Variants in ZNF821 observed in about 807,000 individuals in gnomAD.
The protein encoded by ZNF821 is zinc finger protein 821.
ZNF821 carries 16 observed loss-of-function variants against 44.3 expected under a neutral mutation model. That is an observed-to-expected ratio of 0.36 (90% CI 0.24 to 0.55). ZNF821 has a LOEUF of 0.55. Among genes scored for constraint, ZNF821 ranks in the 20% least tolerant of loss-of-function variants. The pLI, the probability that ZNF821 is intolerant of heterozygous loss-of-function variation, is 0.86. For missense variants in ZNF821, 436 were observed against 547.6 expected, an observed-to-expected ratio of 0.80 and a Z score of 2.03; for synonymous variants, 204 against 197.6, an observed-to-expected ratio of 1.03 and a Z score of -0.27.
chr16:71,894,716 T>TTTTTTTGCG, intron 1 of ZNF821: 2 of 557,206 alleles, frequency 3.6e-6, no homozygotes, highest in Admixed American at 3.5e-5. Context: ...TTTTTTTTTT[T>TTTTTTTGCG]GTAGCGATGC....
At chr16:71,866,810 T>C (rs965427083) in intron 4 of ZNF821, among the ~76,000 whole-genome samples, 1 of 152,224 alleles carries the variant, frequency 6.6e-6, no homozygotes, top group Admixed American at 6.5e-5. Context: ...GTTGTTGATG[T>C]TGCTTAATTA....
intron 4 of ZNF821, among the ~76,000 whole-genome samples, chr16:71,865,463 G>A (rs561258718): frequency 5.9e-5 from 9 of 152,162 alleles, no homozygotes; most frequent in South Asian, 2.1e-4. Flanking sequence ...ACTTCTCCAC[G>A]GTGTCACTAT....
upstream of ZNF821, chr16:71,884,831 G>C (rs2036781418): frequency 6.6e-6 from 1 of 151,340 alleles, no homozygotes; most frequent in Non-Finnish European, 1.5e-5. Context: ...AGGGATGTTT[G>C]GGGGCAATGG....
chr16:71,860,835 C>A lies in ZNF821; in HGVS notation c.585-163G>T, dbSNP rs538327653. Reference sequence around the variant, plus strand: ...CTTCTGCTGCTCCATCCCTTCTCTTCGCGTGAGAGTTGTCTACCAACTTTT... The same window carrying A: ...CTTCTGCTGCTCCATCCCTTCTCTTAGCGTGAGAGTTGTCTACCAACTTTT... On this transcript the variant is annotated intron_variant, in intron 7 of 7. Transcript: ENST00000425432. The surrounding 1 kb of genome is among the most constrained non-coding windows in gnomAD (Gnocchi z 7.3). 6.7e-6 allele frequency among the ~76,000 whole-genome samples: 1 copy of A among 149,862 alleles called. No homozygotes were observed. The highest frequency in any genetic ancestry group is 1.5e-5 in the Non-Finnish European group (1 of 67,748).
rs962142605 is a variant in ZNF821 at position 71,861,276 on chromosome 16, G to A, written c.584+500C>T. On this transcript the variant is annotated intron_variant, in intron 7 of 7. Coordinates refer to ENST00000425432, the MANE Select transcript of ZNF821 (RefSeq NM_001201552.2). ...AGCCAGAATAATGATTTTGATAAGA[G>A]CTTTGCAGGGGCAGTCCTGCTGTGG... Among the ~76,000 whole-genome samples the A allele has an allele frequency of 2.7e-4, 41 of 152,228 alleles. 1 individual carries two copies. Among genetic ancestry groups the A allele is most frequent in the Admixed American group, 2.5e-3 (38 of 15,280 alleles).
In ZNF821 at chr16:71,860,779, C is replaced by G; in HGVS notation, c.585-107G>C. Reference sequence around the variant, plus strand: ...GAGGCCAGTGGCTCCACGCTCACCACAAGGGGTCAGTTTGAATGCTTGGTG... The same window carrying G: ...GAGGCCAGTGGCTCCACGCTCACCAGAAGGGGTCAGTTTGAATGCTTGGTG... On this transcript the variant is annotated intron_variant, in intron 7 of 7. Transcript: ENST00000425432. This position sits in a 1 kb window ranked among gnomAD's most constrained non-coding sequence, Gnocchi z 7.3. 1 of 1,154,142 alleles carries G rather than the reference C, an allele frequency of 8.7e-7. No individual in the cohort carries two copies. Among genetic ancestry groups the G allele is most frequent in the Admixed American group, 2.5e-5 (1 of 39,462 alleles). The allele number at this position is 1,154,142 out of a possible 1,614,324, so 71.5% of individuals were successfully genotyped here. A position where few individuals can be genotyped will look rare whatever the true frequency, so the allele number is the denominator to read the frequency against.
At chr16:71,878,239 G>A (rs945148082) in intron 3 of ZNF821, among the ~76,000 whole-genome samples, 4 of 150,994 alleles carry the variant, frequency 2.6e-5, no homozygotes, top group African/African-American at 4.9e-5. Flanking sequence ...CCCAAGTAGA[G>A]TAGCTGGGAT....
At chr16:71,886,806 T>C (rs1051047260), upstream of ZNF821, among the ~76,000 whole-genome samples, 5 of 152,228 alleles carry the variant, frequency 3.3e-5, no homozygotes, top group African/African-American at 1.2e-4. Context: ...CCATACCCAG[T>C]AGCAGTAACT....
chr16:71,863,693 G>C (rs2142357694), intron 6 of ZNF821, among the ~76,000 whole-genome samples: 1 of 151,724 alleles, frequency 6.6e-6, no homozygotes, highest in Non-Finnish European at 1.5e-5. Context: ...CCTGGCTTTG[G>C]GCTGAATTTT....
intron 3 of ZNF821, among the ~76,000 whole-genome samples, chr16:71,873,937 G>A (rs537667093): frequency 2.2e-4 from 33 of 149,988 alleles, no homozygotes; most frequent in African/African-American, 7.9e-4. Flanking sequence ...ACAGGTGTGA[G>A]CGACCACGCC....
At chr16:71,874,466 T>C (rs2035585036) in intron 3 of ZNF821, among the ~76,000 whole-genome samples, 1 of 152,184 alleles carries the variant, frequency 6.6e-6, no homozygotes, top group Admixed American at 6.5e-5. Flanking sequence ...GTGTATTTAT[T>C]TTTTTGAGAC....
chr16:71,860,176 T>A lies in ZNF821; in HGVS notation c.1081A>T (p.Met361Leu). The A allele has an allele frequency of 6.2e-7, 1 of 1,614,182 alleles. No individual in the cohort carries two copies. Among genetic ancestry groups the A allele is most frequent in the Non-Finnish European group, 8.5e-7 (1 of 1,180,016 alleles). The change falls in exon 8 of 8, where the codon ATG (methionine) becomes TTG (leucine). Residue 361 changes from methionine to leucine, a missense_variant. Physicochemically the swap from Met to Leu is conservative, Grantham distance 15. This residue lies in a region of ZNF821 where 72 missense variants were observed against 133.3 expected (regional missense o/e 0.54). Transcript: ENST00000425432. This position sits in a 1 kb window ranked among gnomAD's most constrained non-coding sequence, Gnocchi z 7.3. Reference sequence around the variant, plus strand: ...TGGCCAAACTGAGCTCGCAACATCATGTCCATTTTCTCCAGCCTCCTCTTG... The same window carrying A: ...TGGCCAAACTGAGCTCGCAACATCAAGTCCATTTTCTCCAGCCTCCTCTTG... ...RLKRRLEKMD[M>L]MLRAQFGQDP...
intron 2 of ZNF821, chr16:71,882,308 A>AAAAT (rs1235114928): frequency 2.6e-5 from 4 of 151,738 alleles, no homozygotes; most frequent in Non-Finnish European, 5.9e-5. Context: ...TTAAAAAAAT[A>AAAAT]AAATATACTC....
intron 4 of ZNF821, among the ~76,000 whole-genome samples, chr16:71,866,267 A>C (rs2034532812): frequency 6.6e-6 from 1 of 152,178 alleles, no homozygotes; most frequent in Admixed American, 6.5e-5. Flanking sequence ...AGAGCAACAT[A>C]TTTCCCTTCT....
At chr16:71,866,285 C>A (rs1473470486) in intron 4 of ZNF821, among the ~76,000 whole-genome samples, 1 of 152,196 alleles carries the variant, frequency 6.6e-6, no homozygotes, top group Non-Finnish European at 1.5e-5. Flanking sequence ...TCTTCCTGGG[C>A]AAAACTAGTT....
intron 1 of ZNF821, among the ~76,000 whole-genome samples, chr16:71,890,249 CTTCT>C (rs2036877976): frequency 6.7e-6 from 1 of 150,034 alleles, no homozygotes; most frequent in Non-Finnish European, 1.5e-5. Flanking sequence ...TATTGTTTTT[CTTCT>C]TTTTCTTTTT....
chr16:71,883,644 GGTGCCCGCGGCCCGCGCAAAAGCCCCCC>G (rs989364321), intron 1 of ZNF821: 1 of 152,310 alleles, frequency 6.6e-6, no homozygotes, highest in African/African-American at 2.4e-5. Flanking sequence ...GAGGAGGCGG[GGTGCCCGCGGCCCGCGCAAAAGCCCCCC>G]GGCCCCGCAC....
At chr16:71,868,432 C>A (rs1311598112) in intron 3 of ZNF821, among the ~76,000 whole-genome samples, 1 of 152,164 alleles carries the variant, frequency 6.6e-6, no homozygotes, top group African/African-American at 2.4e-5. Flanking sequence ...AGTCTCTGTA[C>A]CTTAATGTAT....
In ZNF821 at chr16:71,865,173, A is replaced by G. The variant is rs568951991; in HGVS notation, c.167-125T>C. On this transcript the variant is annotated intron_variant, in intron 4 of 7. Transcript: ENST00000425432. ...AGATCTTCCATAATATAGTTTATAT[A>G]GTTTTGTTGGGTACATATTATGTCA... is the stretch of plus-strand genomic sequence containing the variant. The G allele has an allele frequency of 2.0e-5, 25 of 1,273,022 alleles. No individual in the cohort carries two copies. The South Asian group carries it at 3.3e-4, about 17-fold the overall frequency. 78.9% of individuals were successfully genotyped at this position (1,273,022 alleles called of 1,614,324 possible). A position where few individuals can be genotyped will look rare whatever the true frequency, so the allele number is the denominator to read the frequency against.
Sources: allele counts gnomAD v4.1 joint callset (sites outside exome capture counted in the v4.1 genomes callset), GRCh38; gene constraint gnomAD v4.1.1; regional missense constraint gnomAD v4.1.1; non-coding constraint Gnocchi (gnomAD v3.1); transcripts MANE v1.5; gene names NCBI Gene and HGNC (gene_info 2026-07-23, HGNC 2026-07-21).